The following CYP11B2 variants were observed in gnomAD, a reference collection of about 807,000 sequenced individuals.
CYP11B2 encodes the protein cytochrome P450 family 11 subfamily B member 2.
In CYP11B2, 38 loss-of-function variants were observed where a neutral mutation model predicts 49.3. The observed-to-expected ratio is 0.77, with a 90% confidence interval of 0.59 to 1.01. The LOEUF (loss-of-function observed/expected upper bound fraction) is 1.01. Among genes scored for constraint, CYP11B2 ranks in the 50% least tolerant of loss-of-function variants. The probability of loss-of-function intolerance (pLI) is 0.00; values close to 1 mark genes in which losing one functional copy is unlikely to be tolerated. For synonymous variants in CYP11B2, 290 were observed against 269.3 expected, an observed-to-expected ratio of 1.08 and a Z score of -0.75; for missense variants, 669 against 655.5, an observed-to-expected ratio of 1.02 and a Z score of -0.23.
In CYP11B2 at chr8:142,914,579, G is replaced by A; in HGVS notation, c.799+126C>T. On this transcript the variant is annotated intron_variant, in intron 4 of 8. Transcript: ENST00000323110. ...GCCCCAGCCTCGCACCAATCTCCCC[G>A]GCAGGAAGGTGAGGAATCCCCGACC... 12 of 1,301,070 alleles carry A rather than the reference G, an allele frequency of 9.2e-6. 3 individuals carry two copies. Among genetic ancestry groups the A allele is most frequent in the Non-Finnish European group, 1.3e-5 (12 of 926,454 alleles). 80.6% of individuals were successfully genotyped at this position (1,301,070 alleles called of 1,614,324 possible).
chr8:142,915,101 G>A lies in CYP11B2; in HGVS notation c.540C>T (p.Ala180=). ...GGACGTCCAGGGTCAGGCTCCCCCG[G>A]GCGTTCTGCAGCACCTTCTTCTTCA... ...QALKKKVLQN[A]RGSLTLDVQP... is the part of the protein sequence containing the mutation. Residue 180 remains alanine (A), a synonymous_variant, in exon 3 of 9, where the codon GCC becomes GCT. Coordinates refer to ENST00000323110, the MANE Select transcript of CYP11B2 (RefSeq NM_000498.3). 1 of 1,613,818 alleles carries A rather than the reference G, an allele frequency of 6.2e-7. No individual in the cohort carries two copies. The highest frequency in any genetic ancestry group is 8.5e-7 in the Non-Finnish European group (1 of 1,179,930).
chr8:142,912,164 G>A, intron 8 of CYP11B2, 71 bp from the exon 9 acceptor site: 1 of 1,606,030 alleles, frequency 6.2e-7, no homozygotes. Context: ...TCCTCCCATC[G>A]TCCCAGGTGC....
Position 142,917,792 on chromosome 8 carries a change from A to G in CYP11B2, c.49T>C (p.Ser17Pro). Reference sequence around the variant, plus strand: ...CCCAGTGCCCGTGCCCTTTGCAGGGACAGCCAGGGCGCTGCCACGCACACC... The same window carrying G: ...CCCAGTGCCCGTGCCCTTTGCAGGGGCAGCCAGGGCGCTGCCACGCACACC... ...AEVCVAAPWL[S>P]LQRARALGTR... Residue 17 changes from serine to proline, a missense_variant, in exon 1 of 9, where the codon TCC (serine) becomes CCC (proline). Physicochemically the swap from Ser to Pro is moderately conservative, Grantham distance 74. Transcript: ENST00000323110. 6.2e-7 allele frequency: 1 copy of G among 1,614,192 alleles called. No homozygotes were observed. Among genetic ancestry groups the G allele is most frequent in the Non-Finnish European group, 8.5e-7 (1 of 1,180,050 alleles).
rs5307 is a variant in CYP11B2, at chr8:142,915,032, C to T, written c.595+14G>A. 355 of 1,613,546 alleles carry T rather than the reference C, an allele frequency of 2.2e-4. 6 individuals carry two copies. In the African/African-American group the frequency reaches 3.5e-3, roughly 16 times the overall value. On this transcript the variant is annotated intron_variant, in intron 3 of 8. Coordinates refer to ENST00000323110, the MANE Select transcript of CYP11B2 (RefSeq NM_000498.3). ...CAGGGTCTCTGGGGCTGGACCTTCC[C>T]GCATGGCCCACACCTTCTATGGTGT... is the stretch of plus-strand genomic sequence containing the variant.
intron 1 of CYP11B2, 61 bp from the exon 2 acceptor site, chr8:142,917,275 C>G: frequency 6.4e-7 from 1 of 1,571,358 alleles, no homozygotes; most frequent in Admixed American, 1.7e-5. Context: ...CCCCACCCTG[C>G]AGTCCCAATC....
chr8:142,913,500 C>G, intron 5 of CYP11B2, 49 bp from the exon 6 acceptor site: 2 of 1,611,436 alleles, frequency 1.2e-6, no homozygotes, highest in South Asian at 2.2e-5. Flanking sequence ...GAGGACTCAG[C>G]CCCCGGGACA....
Position 142,914,407 on chromosome 8 carries a change from T to C in CYP11B2, c.811A>G (p.Ile271Val). 4 of 1,612,930 alleles carry C rather than the reference T, an allele frequency of 2.5e-6. No individual in the cohort carries two copies. The highest frequency in any genetic ancestry group is 3.4e-6 in the Non-Finnish European group (4 of 1,179,416). Residue 271 changes from isoleucine to valine, a missense_variant, in exon 5 of 9, where the codon ATC (isoleucine) becomes GTC (valine). By Grantham distance (29) the Ile-to-Val change is conservative. Transcript: ENST00000323110. The part of the protein sequence containing the change: ...DCIFQYGDNC[I>V]QKIYQELAFN... ...GCCAGTTCCTGGTAGATTTTCTGGATACAGTTGTCACCTGTCCAGGGAGCA... is the reference window on the plus strand; with the variant it reads ...GCCAGTTCCTGGTAGATTTTCTGGACACAGTTGTCACCTGTCCAGGGAGCA...
At chr8:142,917,310 C>T in intron 1 of CYP11B2, 96 bp from the exon 2 acceptor site, 7 of 1,478,420 alleles carry the variant, frequency 4.7e-6, no homozygotes, top group Non-Finnish European at 5.6e-6. Flanking sequence ...TCCACCCTCC[C>T]TGCTCCTGGA....
At position 142,915,125 on chromosome 8, in the gene CYP11B2, C is replaced by G; in HGVS notation, c.516G>C (p.Leu172=). The G allele has an allele frequency of 6.2e-7, 1 of 1,613,880 alleles. No homozygotes were observed. Among genetic ancestry groups the G allele is most frequent in the East Asian group, 2.2e-5 (1 of 44,866 alleles). ...DAVARDFSQA[L]KKKVLQNARG... ...GGGCGTTCTGCAGCACCTTCTTCTT[C>G]AGGGCCTGGGAGAAGTCCCTGGCCA... The change falls in exon 3 of 9, where the codon CTG becomes CTC. Residue 172 remains leucine (L), a synonymous_variant. Coordinates refer to ENST00000323110, the MANE Select transcript of CYP11B2 (RefSeq NM_000498.3).
At position 142,915,099 on chromosome 8, in the gene CYP11B2, C is replaced by A; in HGVS notation, c.542G>T (p.Arg181Leu). 6.2e-7 allele frequency: 1 copy of A among 1,613,740 alleles called. No homozygotes were observed. Among genetic ancestry groups the A allele is most frequent in the Non-Finnish European group, 8.5e-7 (1 of 1,179,920 alleles). Residue 181 changes from arginine to leucine, a missense_variant, in exon 3 of 9, where the codon CGG (arginine) becomes CTG (leucine). Transcript: ENST00000323110. ...CTGGACGTCCAGGGTCAGGCTCCCC[C>A]GGGCGTTCTGCAGCACCTTCTTCTT... Reference protein sequence around the residue: ...ALKKKVLQNARGSLTLDVQPS... With the variant: ...ALKKKVLQNALGSLTLDVQPS...
rs773783460 is a variant in CYP11B2 at position 142,914,739 on chromosome 8, C to A, written c.765G>T (p.Glu255Asp). 8 of 1,612,946 alleles carry A rather than the reference C, an allele frequency of 5.0e-6. No individual in the cohort carries two copies. In the South Asian group the frequency reaches 8.8e-5, roughly 18 times the overall value. ...AGATGCAGTCCCAGGCCTCAAAGTG[C>A]TCCTTCCACACCTTGGGGCTGATCC... ...SRWISPKVWK[E>D]HFEAWDCIFQ... The change falls in exon 4 of 9, where the codon GAG becomes GAT. Residue 255 changes from glutamate to aspartate, a missense_variant. Coordinates refer to ENST00000323110, the MANE Select transcript of CYP11B2 (RefSeq NM_000498.3).
chr8:142,915,061 G>A lies in CYP11B2; in HGVS notation c.580C>T (p.His194Tyr), dbSNP rs751276691. The A allele has an allele frequency of 4.2e-5, 68 of 1,613,766 alleles. No individual in the cohort carries two copies. ...TGGCCCACACCTTCTATGGTGTAGTGGAAGATGCTGGGCTGGACGTCCAGG... is the reference window on the plus strand; with the variant it reads ...TGGCCCACACCTTCTATGGTGTAGTAGAAGATGCTGGGCTGGACGTCCAGG... ...LTLDVQPSIFHYTIEASNLAL... is the reference protein window; with the variant it reads ...LTLDVQPSIFYYTIEASNLAL... Residue 194 changes from histidine to tyrosine, a missense_variant, in exon 3 of 9, where the codon CAC (histidine) becomes TAC (tyrosine). His to Tyr is a moderately conservative substitution (Grantham distance 83). Transcript: ENST00000323110.
chr8:142,916,405 C>T (rs1289215382), intron 2 of CYP11B2: 4 of 456,652 alleles, frequency 8.8e-6, no homozygotes, highest in African/African-American at 8.0e-5. Flanking sequence ...CTAATGACAA[C>T]ATCCCTGCAG....
At position 142,917,212 on chromosome 8, in the gene CYP11B2, T is replaced by C. The variant is rs1329944051; in HGVS notation, c.242A>G (p.Tyr81Cys). The C allele has an allele frequency of 1.2e-6, 2 of 1,613,946 alleles. No homozygotes were observed. The highest frequency in any genetic ancestry group is 1.7e-6 in the Non-Finnish European group (2 of 1,179,974). Reference protein sequence around the residue: ...TFQELGPIFRYNLGGPRMVCV... With the variant: ...TFQELGPIFRCNLGGPRMVCV... ...CACCATGCGTGGTCCTCCCAAGTTGTACCTGTGGGGCCAAGCAGGAGGCCC... is the reference window on the plus strand; with the variant it reads ...CACCATGCGTGGTCCTCCCAAGTTGCACCTGTGGGGCCAAGCAGGAGGCCC... The change falls in exon 2 of 9, where the codon TAC becomes TGC. Residue 81 changes from tyrosine to cysteine, a missense_variant and splice_region_variant. Coordinates refer to ENST00000323110, the MANE Select transcript of CYP11B2 (RefSeq NM_000498.3).
Position 142,911,876 on chromosome 8 carries a change from G to A in CYP11B2, c.*104C>T, listed in dbSNP as rs1817540954. The A allele has an allele frequency of 6.4e-7, 1 of 1,556,248 alleles. No individual in the cohort carries two copies. Among genetic ancestry groups the A allele is most frequent in the African/African-American group, 1.4e-5 (1 of 74,014 alleles). ...TTTGTGCAGGAGCTGGCTGGACAGA[G>A]GGGTGACTCAGGAAGCTGTGCACGT... On this transcript the variant is annotated 3_prime_UTR_variant, in exon 9 of 9. Coordinates refer to ENST00000323110, the MANE Select transcript of CYP11B2 (RefSeq NM_000498.3).
chr8:142,913,504 C>A (rs1039078454), intron 5 of CYP11B2, 53 bp from the exon 6 acceptor site: 17 of 1,610,490 alleles, frequency 1.1e-5, no homozygotes, highest in Non-Finnish European at 1.4e-5. Flanking sequence ...ACTCAGCCCC[C>A]GGGACACCCC....
chr8:142,911,619 C>A lies in CYP11B2; in HGVS notation c.*361G>T. ...AGGGACAGGGACATGTGAGACTAGG[C>A]AGGAAGGCAAGGGACAAAATCACAG... On this transcript the variant is annotated 3_prime_UTR_variant, in exon 9 of 9. Transcript: ENST00000323110. The A allele has an allele frequency of 6.1e-6, 2 of 328,566 alleles. No individual in the cohort carries two copies. Among genetic ancestry groups the A allele is most frequent in the Non-Finnish European group, 5.9e-6 (1 of 170,272 alleles). The allele number at this position is 328,566 out of a possible 1,614,324, so 20.4% of individuals were successfully genotyped here.
At chr8:142,913,595 C>A (rs1378882605) in intron 5 of CYP11B2, 144 bp from the exon 6 acceptor site, 1 of 972,788 alleles carries the variant, frequency 1.0e-6, no homozygotes, top group Non-Finnish European at 1.6e-6. Flanking sequence ...GGATCTGAAA[C>A]CTTGATGACC....
In CYP11B2 at chr8:142,911,776, G is replaced by T. The variant is rs773811282; in HGVS notation, c.*204C>A. Reference sequence around the variant, plus strand: ...AAGGCCAGGCCCTGCCAGCAAGATCGTCTCCAGCTGTGCCCTGGCCTTGCT... The same window carrying T: ...AAGGCCAGGCCCTGCCAGCAAGATCTTCTCCAGCTGTGCCCTGGCCTTGCT... On this transcript the variant is annotated 3_prime_UTR_variant, in exon 9 of 9. Coordinates refer to ENST00000323110, the MANE Select transcript of CYP11B2 (RefSeq NM_000498.3). 16 of 711,408 alleles carry T rather than the reference G, an allele frequency of 2.2e-5. No individual in the cohort carries two copies. Among genetic ancestry groups the T allele is most frequent in the Non-Finnish European group, 3.4e-5 (15 of 441,638 alleles). The allele number at this position is 711,408 out of a possible 1,614,324, so 44.1% of individuals were successfully genotyped here.
Sources: gnomAD v4.1 joint callset for allele counts on GRCh38, gnomAD v4.1.1 for gene constraint, MANE v1.5 for transcripts, NCBI Gene and HGNC (gene_info 2026-07-23, HGNC 2026-07-21) for gene names.